Variants in AK5 observed in about 807,000 individuals in gnomAD.
AK5 encodes the protein adenylate kinase 5, also known as adenylate kinase isoenzyme 5.
In AK5, 27 loss-of-function variants were observed where a neutral mutation model predicts 69.5. The observed-to-expected ratio is 0.39, with a 90% CI of 0.29 to 0.54. AK5 has a LOEUF of 0.54. AK5 is among the 20% of genes least tolerant of loss of function. The probability of loss-of-function intolerance (pLI) is 0.71; values close to 1 mark genes in which losing one functional copy is unlikely to be tolerated. For missense variants in AK5, 531 were observed against 700.4 expected (o/e 0.76, Z 2.73); for synonymous variants, 260 against 244.4 (o/e 1.06, Z -0.60).
chr1:77,366,670 C>T (rs1284668589), intron 6 of AK5, among the ~76,000 whole-genome samples: 1 of 152,116 alleles, frequency 6.6e-6, no homozygotes, highest in Non-Finnish European at 1.5e-5. Flanking sequence ...TTGACATTCT[C>T]CTCTGGATGA....
chr1:77,458,603 C>T (rs1653642866), intron 8 of AK5, among the ~76,000 whole-genome samples: 1 of 152,178 alleles, frequency 6.6e-6, no homozygotes, highest in Non-Finnish European at 1.5e-5. Flanking sequence ...ATGTGGATGG[C>T]AGCAGGCAAA....
intron 10 of AK5, among the ~76,000 whole-genome samples, chr1:77,508,426 C>G (rs1657141863): frequency 6.6e-6 from 1 of 152,188 alleles, no homozygotes; most frequent in South Asian, 2.1e-4. Flanking sequence ...CCCTTATTAG[C>G]CGAAACATTA....
chr1:77,311,838 G>A (rs1295440610), intron 5 of AK5, among the ~76,000 whole-genome samples: 1 of 152,098 alleles, frequency 6.6e-6, no homozygotes, highest in Non-Finnish European at 1.5e-5. Flanking sequence ...TCTGTTCTGA[G>A]GTTCCATGTA....
At chr1:77,378,910 G>A (rs1259210803) in intron 6 of AK5, among the ~76,000 whole-genome samples, 2 of 152,182 alleles carry the variant, frequency 1.3e-5, no homozygotes, top group East Asian at 3.9e-4. Context: ...AGTATTGGAA[G>A]TGGGTTGTTA....
chr1:77,533,897 G>T (rs957202121), intron 12 of AK5, among the ~76,000 whole-genome samples: 1 of 151,202 alleles, frequency 6.6e-6, no homozygotes, highest in South Asian at 2.1e-4. Context: ...GTGAACAAGG[G>T]TCATTTTTTT....
chr1:77,307,047 C>T (rs1046504811), intron 5 of AK5, among the ~76,000 whole-genome samples: 1 of 151,958 alleles, frequency 6.6e-6, no homozygotes, highest in South Asian at 2.1e-4. Flanking sequence ...TTTCAAAAAA[C>T]CAAATTTTTG....
At chr1:77,361,157 A>G (rs1284362950) in intron 6 of AK5, among the ~76,000 whole-genome samples, 1 of 152,126 alleles carries the variant, frequency 6.6e-6, no homozygotes, top group Non-Finnish European at 1.5e-5. Flanking sequence ...ACTGTCATTC[A>G]TTATTTCACC....
chr1:77,483,339 T>C lies in AK5; in HGVS notation c.1082T>C (p.Phe361Ser), dbSNP rs370095569. The change falls in exon 9 of 14, where the codon TTT becomes TCT. Residue 361 changes from phenylalanine (F) to serine (S), a missense_variant. Phe to Ser is a radical substitution (Grantham distance 155, BLOSUM62 -2). Transcript: ENST00000354567. ...EDQGDDQLNV[F>S]GEDTMGGFME... Reference sequence around the variant, plus strand: ...CAGGGTGATGACCAGTTAAATGTATTTGGAGAGGACACTATGGGAGGTGAG... The same window carrying C: ...CAGGGTGATGACCAGTTAAATGTATCTGGAGAGGACACTATGGGAGGTGAG... 21 of 1,612,588 alleles carry C rather than the reference T, an allele frequency of 1.3e-5. No individual in the cohort carries two copies. The highest frequency in any genetic ancestry group is 1.4e-5 in the Non-Finnish European group (17 of 1,178,760).
chr1:77,473,761 A>G (rs1654665789), intron 8 of AK5, among the ~76,000 whole-genome samples: 2 of 152,232 alleles, frequency 1.3e-5, no homozygotes, highest in Admixed American at 6.5e-5. Context: ...AGGATTTTGG[A>G]AAAACGAATT....
intron 12 of AK5, 54 bp from the exon 13 acceptor site, chr1:77,535,793 G>C: frequency 6.5e-7 from 1 of 1,538,458 alleles, no homozygotes; most frequent in Non-Finnish European, 8.8e-7. Context: ...GGCCTTTCCA[G>C]AACATCAGCA....
chr1:77,404,123 G>T (rs1457029702), intron 6 of AK5, among the ~76,000 whole-genome samples: 1 of 152,180 alleles, frequency 6.6e-6, no homozygotes, highest in Non-Finnish European at 1.5e-5. Flanking sequence ...GTATAAGAAT[G>T]CTTGTGATTT....
Position 77,465,104 on chromosome 1 carries a change from G to A in AK5, c.1060-18213G>A, listed in dbSNP as rs1654063318. Reference sequence around the variant, plus strand: ...GCACACTGCTTAAATATTGTTAGCTGGTGCAAGGTTTGAATCCTGATGAAA... The same window carrying A: ...GCACACTGCTTAAATATTGTTAGCTAGTGCAAGGTTTGAATCCTGATGAAA... On this transcript the variant is annotated intron_variant, in intron 8 of 13. Transcript: ENST00000354567. Among the ~76,000 whole-genome samples the A allele has an allele frequency of 3.3e-5, 5 of 152,170 alleles. No homozygotes were observed. In the South Asian group the frequency reaches 1.0e-3, roughly 32 times the overall value.
At position 77,475,366 on chromosome 1, in the gene AK5, T is replaced by C. The variant is rs866310002; in HGVS notation, c.1060-7951T>C. 4.6e-4 allele frequency among the ~76,000 whole-genome samples: 55 copies of C among 119,242 alleles called. 1 individual carries two copies. The highest frequency in any genetic ancestry group is 3.9e-3 in the Middle Eastern group (1 of 256). The allele number at this position is 119,242 out of a possible 152,430, so 78.2% of individuals were successfully genotyped here. A position where few individuals can be genotyped will look rare whatever the true frequency, so the allele number is the denominator to read the frequency against. ...TATATATACATATATATTATATATATACAAATATATATTATATATATGTAT... is the reference window on the plus strand; with the variant it reads ...TATATATACATATATATTATATATACACAAATATATATTATATATATGTAT... On this transcript the variant is annotated intron_variant, in intron 8 of 13. Transcript: ENST00000354567.
At chr1:77,423,262 G>A (rs1056770890) in intron 8 of AK5, among the ~76,000 whole-genome samples, 2 of 149,468 alleles carry the variant, frequency 1.3e-5, no homozygotes, top group Admixed American at 1.3e-4. Flanking sequence ...TGTTGTCAGA[G>A]GTAGGGAGTG....
At chr1:77,333,203 G>A (rs553727186) in intron 5 of AK5, among the ~76,000 whole-genome samples, 2 of 151,994 alleles carry the variant, frequency 1.3e-5, no homozygotes, top group Non-Finnish European at 2.9e-5. Flanking sequence ...AGTGTACTCT[G>A]TATCAAACAC....
chr1:77,554,192 T>C (rs1368511620), intron 13 of AK5, among the ~76,000 whole-genome samples: 1 of 152,162 alleles, frequency 6.6e-6, no homozygotes, highest in South Asian at 2.1e-4. Flanking sequence ...ATTTGCTCTG[T>C]CCTCAACAAA....
chr1:77,553,199 G>A (rs1659902934), intron 13 of AK5, among the ~76,000 whole-genome samples: 1 of 152,202 alleles, frequency 6.6e-6, no homozygotes, highest in African/African-American at 2.4e-5. Flanking sequence ...GGTTGCAGAA[G>A]ACAGATTGGA....
chr1:77,351,370 G>T (rs1400058751), intron 6 of AK5, among the ~76,000 whole-genome samples: 1 of 152,142 alleles, frequency 6.6e-6, no homozygotes, highest in East Asian at 1.9e-4. Flanking sequence ...ACTCCAGCCT[G>T]GGCAACAGAG....
At chr1:77,406,508 A>G (rs1214250238) in intron 6 of AK5, among the ~76,000 whole-genome samples, 3 of 149,376 alleles carry the variant, frequency 2.0e-5, no homozygotes, top group South Asian at 2.1e-4. Context: ...GCCACCTTGT[A>G]TCTGTCCTAA....
Sources: gnomAD v4.1 joint callset for allele counts (sites outside exome capture counted in the v4.1 genomes callset) on GRCh38, gnomAD v4.1.1 for gene constraint, MANE v1.5 for transcripts, NCBI Gene and HGNC (gene_info 2026-07-23, HGNC 2026-07-21) for gene names.